The following NISCH variants were observed in gnomAD, a reference collection of about 807,000 sequenced individuals.
NISCH encodes the protein I-1 receptor candidate protein.
A neutral mutation model predicts 138.4 loss-of-function variants in NISCH; 55 were observed. The observed-to-expected ratio is 0.40, with a 90% CI of 0.32 to 0.50. The LOEUF (loss-of-function observed/expected upper bound fraction) is 0.50, where lower values mean the gene tolerates loss of function less well. Ranked by LOEUF, NISCH falls within the 20% of genes least tolerant of loss-of-function variation. NISCH has a pLI of 0.71. For missense variants in NISCH, 1,643 were observed against 2,005.5 expected (o/e 0.82, Z 3.45); for synonymous variants, 860 against 861.5 (o/e 1.00, Z 0.03).
At chr3:52,480,157 C>A (rs17052198) in intron 12 of NISCH, 27 bp from the exon 13 acceptor site, 1 of 1,613,104 alleles carries the variant, frequency 6.2e-7, no homozygotes, top group Non-Finnish European at 8.5e-7. Flanking sequence ...TCTTCTCTCC[C>A]GGGCTGACTC....
At chr3:52,481,423 G>C in intron 13 of NISCH, 8 of 986,062 alleles carry the variant, frequency 8.1e-6, no homozygotes, top group Non-Finnish European at 9.6e-6. Flanking sequence ...TGCCCATTTT[G>C]CTTCTGTCAG....
intron 13 of NISCH, chr3:52,480,815 G>T: frequency 6.6e-7 from 1 of 1,513,716 alleles, no homozygotes; most frequent in South Asian, 1.2e-5. Context: ...ACCCATGGAA[G>T]ACCAGGCCCA....
intron 8 of NISCH, among the ~76,000 whole-genome samples, chr3:52,477,029 C>T (rs915595720): frequency 1.3e-5 from 2 of 151,644 alleles, no homozygotes; most frequent in Admixed American, 6.6e-5. Context: ...AGTGAGACTC[C>T]GTCTCAAAAG....
chr3:52,457,900 A>G lies in NISCH; in HGVS notation c.151A>G (p.Ser51Gly). The G allele has an allele frequency of 1.2e-6, 2 of 1,611,448 alleles. No homozygotes were observed. The highest frequency in any genetic ancestry group is 2.2e-5 in the East Asian group (1 of 44,780). Residue 51 changes from serine (S) to glycine (G), a missense_variant, in exon 2 of 21, where the codon AGC becomes GGC. By Grantham distance (56) the Ser-to-Gly change is moderately conservative. Coordinates refer to ENST00000345716, the MANE Select transcript of NISCH (RefSeq NM_007184.4). ...SHEWTVKHRY[S>G]DFHDLHEKLV... ...TGAGTGGACAGTAAAGCACCGCTAC[A>G]GCGACTTCCATGACCTGCATGAAAA...
rs760687880 is a variant in NISCH at position 52,487,671 on chromosome 3, G to A, written c.2179G>A (p.Ala727Thr). 8.7e-6 allele frequency: 14 copies of A among 1,613,590 alleles called. No homozygotes were observed. Among genetic ancestry groups the A allele is most frequent in the Non-Finnish European group, 1.2e-5 (14 of 1,180,032 alleles). Residue 727 changes from alanine to threonine, a missense_variant, in exon 16 of 21, where the codon GCC becomes ACC. Physicochemically the swap from Ala to Thr is moderately conservative, Grantham distance 58 (BLOSUM62 0). Coordinates refer to ENST00000345716, the MANE Select transcript of NISCH (RefSeq NM_007184.4). This position sits in a 1 kb window ranked among gnomAD's most constrained non-coding sequence, Gnocchi z 9.1. ...GCAGGGCAGTATCCGCCAGTTCGCC[G>A]CCTGCCTTGTGCTCACCGACTTCGG... ...HVQGSIRQFA[A>T]CLVLTDFGIA...
chr3:52,489,988 A>G, intron 17 of NISCH, 87 bp from the exon 18 acceptor site: 1 of 1,543,514 alleles, frequency 6.5e-7, no homozygotes, highest in Non-Finnish European at 8.8e-7. Flanking sequence ...GGGGCTTCCC[A>G]TGTCTCCTTG....
chr3:52,481,208 A>C, intron 13 of NISCH: 19 of 1,147,246 alleles, frequency 1.7e-5, no homozygotes, highest in East Asian at 9.5e-5. Context: ...CAACTGCAAC[A>C]TCGGAGGATG....
chr3:52,487,766 C>A lies in NISCH; in HGVS notation c.2274C>A (p.Arg758=). The A allele has an allele frequency of 6.2e-7, 1 of 1,613,830 alleles. No homozygotes were observed. The highest frequency in any genetic ancestry group is 1.1e-5 in the South Asian group (1 of 91,076). Residue 758 remains arginine, a synonymous_variant, in exon 16 of 21, where the codon CGC becomes CGA. Coordinates refer to ENST00000345716, the MANE Select transcript of NISCH (RefSeq NM_007184.4). This position sits in a 1 kb window ranked among gnomAD's most constrained non-coding sequence, Gnocchi z 9.1. ...GCCAGCACATCCTCTCCTCCCTGCG[C>A]TTTGTCTTTTGCTTCCCGCATGGCG... ...GSSQHILSSL[R]FVFCFPHGDL...
At chr3:52,460,444 C>T (rs894852070) in intron 3 of NISCH, among the ~76,000 whole-genome samples, 9 of 147,112 alleles carry the variant, frequency 6.1e-5, no homozygotes, top group Non-Finnish European at 1.3e-4. Context: ...CTCCATTGCT[C>T]AGGCTGGAGG....
intron 15 of NISCH, 142 bp downstream of exon 15, chr3:52,485,969 G>C: frequency 1.4e-6 from 1 of 722,260 alleles, no homozygotes; most frequent in Non-Finnish European, 2.4e-6. Flanking sequence ...CCTCTAAAGA[G>C]ACACAGATGA....
Position 52,487,048 on chromosome 3 carries a change from G to A in NISCH, c.1704-148G>A, listed in dbSNP as rs1343102081. Reference sequence around the variant, plus strand: ...TGGCTCCCACCAGGGCCCTCATCCTGGGAACTGACTTGGCCATGTGGGAGG... The same window carrying A: ...TGGCTCCCACCAGGGCCCTCATCCTAGGAACTGACTTGGCCATGTGGGAGG... On this transcript the variant is annotated intron_variant, in intron 15 of 20. Coordinates refer to ENST00000345716, the MANE Select transcript of NISCH (RefSeq NM_007184.4). This position sits in a 1 kb window ranked among gnomAD's most constrained non-coding sequence, Gnocchi z 9.1. The A allele has an allele frequency of 1.1e-6, 1 of 884,836 alleles. No individual in the cohort carries two copies. The allele number at this position is 884,836 out of a possible 1,614,324, so 54.8% of individuals were successfully genotyped here. A position where few individuals can be genotyped will look rare whatever the true frequency, so the allele number is the denominator to read the frequency against.
chr3:52,483,561 C>T (rs1032195794), intron 13 of NISCH, among the ~76,000 whole-genome samples: 9 of 152,204 alleles, frequency 5.9e-5, no homozygotes, highest in African/African-American at 1.9e-4. Context: ...TGTGCATTTA[C>T]GGGACGCAGT....
Position 52,488,448 on chromosome 3 carries a change from G to A in NISCH, c.2956G>A (p.Val986Met), listed in dbSNP as rs765592647. The A allele has an allele frequency of 6.2e-7, 1 of 1,613,680 alleles. No individual in the cohort carries two copies. Among genetic ancestry groups the A allele is most frequent in the Non-Finnish European group, 8.5e-7 (1 of 1,180,008 alleles). ...GTACCGCTTTGTCACTGCCATCTTCGTGCTGCCCCACGAGAAGTTCCACTT... is the reference window on the plus strand; with the variant it reads ...GTACCGCTTTGTCACTGCCATCTTCATGCTGCCCCACGAGAAGTTCCACTT... ...VGYRFVTAIF[V>M]LPHEKFHFLR... The change falls in exon 16 of 21, where the codon GTG becomes ATG. Residue 986 changes from valine (V) to methionine (M), a missense_variant. Transcript: ENST00000345716.
rs1707433693 is a variant in NISCH at position 52,487,500 on chromosome 3, CA to C, written c.2009del (p.Gln670ArgfsTer46). 1 of 1,601,662 alleles carries C rather than the reference CA, an allele frequency of 6.2e-7. No individual in the cohort carries two copies. The highest frequency in any genetic ancestry group is 1.3e-5 in the African/African-American group (1 of 74,558). ...PDVEEEEGGG[Q>X]GEEEEEEEED... ...CGTGGAGGAGGAGGAGGGAGGAGGC[CA>C]GGGGGAGGAAGAGGAGGAGGAAGAG... On this transcript the variant is annotated frameshift_variant, in exon 16 of 21. Transcript: ENST00000345716. LOFTEE classifies it high-confidence loss of function. The surrounding 1 kb of genome is among the most constrained non-coding windows in gnomAD (Gnocchi z 9.1).
At chr3:52,481,368 G>C (rs760306781) in intron 13 of NISCH, 59 of 989,654 alleles carry the variant, frequency 6.0e-5, no homozygotes, top group Middle Eastern at 5.1e-4. Flanking sequence ...AGATGTGGAA[G>C]AGAATTCCTG....
Position 52,487,139 on chromosome 3 carries a change from TGG to T in NISCH, c.1704-55_1704-54del. On this transcript the variant is annotated intron_variant, in intron 15 of 20. Coordinates refer to ENST00000345716, the MANE Select transcript of NISCH (RefSeq NM_007184.4). This position sits in a 1 kb window ranked among gnomAD's most constrained non-coding sequence, Gnocchi z 9.1. The stretch of plus-strand genomic sequence containing the variant: ...AGCAGTGGGCTCCAGATGTGGCAGG[TGG>T]GAGGTGGGAGGGGCCCCTCCCAGCA... The T allele has an allele frequency of 6.5e-7, 1 of 1,538,338 alleles. No homozygotes were observed. Among genetic ancestry groups the T allele is most frequent in the Non-Finnish European group, 8.8e-7 (1 of 1,137,766 alleles).
chr3:52,483,792 C>T (rs1007916942), intron 13 of NISCH, among the ~76,000 whole-genome samples: 2 of 152,206 alleles, frequency 1.3e-5, no homozygotes, highest in East Asian at 1.9e-4. Context: ...GTCTAGTCAC[C>T]GTCTGGGAAA....
chr3:52,455,652 C>T lies in NISCH; in HGVS notation c.11C>T (p.Ala4Val). The change falls in exon 1 of 21, where the codon GCG (alanine) becomes GTG (valine). Residue 4 changes from alanine (A) to valine (V), a missense_variant. Ala to Val is a moderately conservative substitution (Grantham distance 64). Coordinates refer to ENST00000345716, the MANE Select transcript of NISCH (RefSeq NM_007184.4). The stretch of plus-strand genomic sequence containing the variant: ...GGCGGAGACCCGAACATGGCGACCG[C>T]GCGCACCTTCGGGCCCGAGCGGGAA... MAT[A>V]RTFGPEREAE... is the part of the protein sequence containing the mutation. 1.5e-6 allele frequency: 2 copies of T among 1,343,650 alleles called. No homozygotes were observed. Among genetic ancestry groups the T allele is most frequent in the Non-Finnish European group, 1.9e-6 (2 of 1,039,190 alleles). 83.2% of individuals were successfully genotyped at this position (1,343,650 alleles called of 1,614,324 possible). A position where few individuals can be genotyped will look rare whatever the true frequency, so the allele number is the denominator to read the frequency against.
At position 52,490,924 on chromosome 3, in the gene NISCH, G is replaced by C. The variant is rs1018735127; in HGVS notation, c.3742+91G>C. On this transcript the variant is annotated intron_variant, in intron 19 of 20. Transcript: ENST00000345716. The stretch of plus-strand genomic sequence containing the variant: ...TTCCGTACGTGGGTGGGTTATCATA[G>C]ACAGTTATCTCTGTGCTCAAGAGCC... The C allele has an allele frequency of 1.2e-5, 18 of 1,542,896 alleles. No individual in the cohort carries two copies. The African/African-American group carries it at 2.3e-4, about 20-fold the overall frequency.
Sources: gnomAD v4.1 joint callset for allele counts (sites outside exome capture counted in the v4.1 genomes callset) on GRCh38, gnomAD v4.1.1 for gene constraint, Gnocchi (gnomAD v3.1) non-coding constraint, MANE v1.5 for transcripts, NCBI Gene and HGNC (gene_info 2026-07-23, HGNC 2026-07-21) for gene names.